Variants in GRIA2 observed in about 807,000 individuals in gnomAD.
GRIA2 encodes the protein glutamate ionotropic receptor AMPA type subunit 2, also known as glutamate receptor 2.
Under a neutral mutation model 97.3 loss-of-function variants are expected in GRIA2, and 14 were observed. The observed-to-expected ratio is 0.14, with a 90% CI of 0.10 to 0.23. The LOEUF is 0.23. GRIA2 is among the 10% of genes least tolerant of loss of function. GRIA2 has a pLI of 1.00. For synonymous variants in GRIA2, 412 were observed against 387.8 expected, an observed-to-expected ratio of 1.06 and a Z score of -0.73; for missense variants, 558 against 1,069.8, an observed-to-expected ratio of 0.52 and a Z score of 6.67.
chr4:157,242,978 T>A (rs1730572752), intron 2 of GRIA2, among the ~76,000 whole-genome samples: 1 of 152,058 alleles, frequency 6.6e-6, no homozygotes, highest in South Asian at 2.1e-4. Context: ...GGAACCACTT[T>A]AAACAGTGAA....
chr4:157,336,733 C>T lies in GRIA2; in HGVS notation c.1830C>T (p.Cys610=), dbSNP rs759607215. 9.9e-6 allele frequency: 16 copies of T among 1,610,858 alleles called. No individual in the cohort carries two copies. Among genetic ancestry groups the T allele is most frequent in the Non-Finnish European group, 1.2e-5 (14 of 1,178,154 alleles). The change falls in exon 11 of 16, where the codon TGC becomes TGT. Residue 610 remains cysteine (C), a synonymous_variant. Coordinates refer to ENST00000264426, the MANE Select transcript of GRIA2 (RefSeq NM_001083619.3). ...TGGGTGCCTTTATGCAGCAAGGATG[C>T]GATATTTCGCCAAGGTTGGTTACTC... The part of the protein sequence containing the change: ...FSLGAFMQQG[C]DISPRSLSGR...
rs149218180 is a variant in GRIA2 at position 157,245,046 on chromosome 4, A to G, written c.229+23239A>G. On this transcript the variant is annotated intron_variant, in intron 2 of 15. Transcript: ENST00000264426. ...AAATAATAGCAGATTGTCATTTCTA[A>G]AAATTTATATTTTTCTCAATTCATT... Among the ~76,000 whole-genome samples, 18 of 152,178 alleles carry G rather than the reference A, an allele frequency of 1.2e-4. No individual in the cohort carries two copies. The East Asian group carries it at 3.5e-3, about 29-fold the overall frequency.
At chr4:157,261,141 C>G (rs913351575) in intron 2 of GRIA2, among the ~76,000 whole-genome samples, 2 of 152,058 alleles carry the variant, frequency 1.3e-5, no homozygotes, top group Non-Finnish European at 2.9e-5. Context: ...GGAGGCCTCA[C>G]AATCGTGGCA....
rs145231567 is a variant in GRIA2, at chr4:157,298,028, G to A, written c.230-5524G>A. 2.1e-3 allele frequency among the ~76,000 whole-genome samples: 319 copies of A among 152,052 alleles called. 2 individuals are homozygous for A. The highest frequency in any genetic ancestry group is 0.02 in the Middle Eastern group (6 of 294). ...TGACCTTGTTAATAGGGATGAGACC[G>A]CTAAAAGATAGATTTTGAAGAAAAA... On this transcript the variant is annotated intron_variant, in intron 2 of 15. Transcript: ENST00000264426.
chr4:157,264,083 C>G (rs1377922834), intron 2 of GRIA2, among the ~76,000 whole-genome samples: 1 of 152,062 alleles, frequency 6.6e-6, no homozygotes, highest in Non-Finnish European at 1.5e-5. Flanking sequence ...ACAACCACTT[C>G]TGCAGATGTA....
intron 2 of GRIA2, among the ~76,000 whole-genome samples, chr4:157,252,693 G>C (rs1731068986): frequency 6.6e-6 from 1 of 152,102 alleles, no homozygotes; most frequent in Admixed American, 6.6e-5. Flanking sequence ...AAATGATCCA[G>C]TCAAGCACAA....
At chr4:157,239,004 C>T (rs574890496) in intron 2 of GRIA2, among the ~76,000 whole-genome samples, 198 of 152,042 alleles carry the variant, frequency 1.3e-3, no homozygotes, top group Non-Finnish European at 2.1e-3. Flanking sequence ...ATTGTCATTG[C>T]GGTACTTTTT....
chr4:157,228,527 T>C (rs185089582), intron 2 of GRIA2, among the ~76,000 whole-genome samples: 83 of 152,260 alleles, frequency 5.5e-4, no homozygotes, highest in African/African-American at 1.8e-3. Flanking sequence ...GCTCAGTGGC[T>C]CATGCCTGTA....
At chr4:157,251,442 T>C (rs1349686278) in intron 2 of GRIA2, among the ~76,000 whole-genome samples, 1 of 152,146 alleles carries the variant, frequency 6.6e-6, no homozygotes, top group African/African-American at 2.4e-5. Context: ...GTTCAGCCCA[T>C]TCATTAACTC....
chr4:157,232,193 T>C (rs543826407), intron 2 of GRIA2, among the ~76,000 whole-genome samples: 9 of 152,310 alleles, frequency 5.9e-5, no homozygotes, highest in Admixed American at 2.0e-4. Context: ...TATTATGAAT[T>C]CCATATATTT....
intron 3 of GRIA2, among the ~76,000 whole-genome samples, chr4:157,306,641 T>G (rs1733857481): frequency 6.6e-6 from 1 of 152,208 alleles, no homozygotes; most frequent in Admixed American, 6.5e-5. Flanking sequence ...CATAAATATG[T>G]AAGACTCTCA....
intron 3 of GRIA2, among the ~76,000 whole-genome samples, chr4:157,309,112 G>A (rs1319324877): frequency 6.6e-6 from 1 of 152,084 alleles, no homozygotes; most frequent in Non-Finnish European, 1.5e-5. Context: ...TCTGCCTGTT[G>A]TTAGGAGATA....
At chr4:157,320,693 C>G (rs1392612468) in intron 5 of GRIA2, among the ~76,000 whole-genome samples, 1 of 151,804 alleles carries the variant, frequency 6.6e-6, no homozygotes, top group Non-Finnish European at 1.5e-5. Flanking sequence ...CTTTTGTGTA[C>G]AATAAGATAA....
intron 2 of GRIA2, among the ~76,000 whole-genome samples, chr4:157,287,470 G>A (rs1162694489): frequency 6.6e-6 from 1 of 151,548 alleles, no homozygotes; most frequent in African/African-American, 2.4e-5. Context: ...TCATTAATCT[G>A]TTGGAATCCT....
At chr4:157,283,378 A>G (rs992783252) in intron 2 of GRIA2, among the ~76,000 whole-genome samples, 2 of 152,016 alleles carry the variant, frequency 1.3e-5, no homozygotes, top group Non-Finnish European at 2.9e-5. Flanking sequence ...GGCTGAAAAT[A>G]TTAGATCCAT....
At position 157,333,363 on chromosome 4, in the gene GRIA2, T is replaced by G; in HGVS notation, c.1155+10T>G. ...TAATGGGCCCCGGAAGGTAAATCCT[T>G]AGTGATTTAAAGGCAGTTCTATGTG... On this transcript the variant is annotated intron_variant, in intron 8 of 15. Transcript: ENST00000264426. 1 of 1,462,786 alleles carries G rather than the reference T, an allele frequency of 6.8e-7. No homozygotes were observed. Among genetic ancestry groups the G allele is most frequent in the Non-Finnish European group, 9.4e-7 (1 of 1,058,260 alleles). 90.6% of individuals were successfully genotyped at this position (1,462,786 alleles called of 1,614,324 possible). A position where few individuals can be genotyped will look rare whatever the true frequency, so the allele number is the denominator to read the frequency against.
At chr4:157,346,497 T>C (rs1044053830) in intron 12 of GRIA2, among the ~76,000 whole-genome samples, 1 of 152,162 alleles carries the variant, frequency 6.6e-6, no homozygotes. Context: ...TGTATATATC[T>C]ATTTATCAAT....
intron 2 of GRIA2, among the ~76,000 whole-genome samples, chr4:157,240,150 C>T (rs1053362601): frequency 1.3e-5 from 2 of 151,996 alleles, no homozygotes; most frequent in African/African-American, 4.8e-5. Context: ...TATACACACG[C>T]ACATATAAGT....
At chr4:157,278,138 G>C (rs1339497356) in intron 2 of GRIA2, among the ~76,000 whole-genome samples, 1 of 151,514 alleles carries the variant, frequency 6.6e-6, no homozygotes, top group Non-Finnish European at 1.5e-5. Flanking sequence ...TATGTGGAGA[G>C]AAAAGAATAC....
Sources: gnomAD v4.1 joint callset for allele counts (sites outside exome capture counted in the v4.1 genomes callset) on GRCh38, gnomAD v4.1.1 for gene constraint, MANE v1.5 for transcripts, NCBI Gene and HGNC (gene_info 2026-07-23, HGNC 2026-07-21) for gene names.